FNDC5: variants seen among roughly 807,000 people sequenced by gnomAD.
FNDC5 encodes fibronectin type III domain containing 5.
Under a neutral mutation model 24.6 loss-of-function variants are expected in FNDC5, and 10 were observed. That is an observed-to-expected ratio of 0.41 (90% confidence interval 0.25 to 0.69). FNDC5 has a LOEUF of 0.69. Among genes scored for constraint, FNDC5 ranks in the 30% least tolerant of loss-of-function variants. FNDC5 has a pLI of 0.34. For synonymous variants in FNDC5, 90 were observed against 110.7 expected, an observed-to-expected ratio of 0.81 and a Z score of 1.18; for missense variants, 226 against 282.9, an observed-to-expected ratio of 0.80 and a Z score of 1.44.
rs1438601766 is a variant in FNDC5, at chr1:32,863,913, GAAA to G, written c.*378_*380del. On this transcript the variant is annotated 3_prime_UTR_variant, in exon 6 of 6. Transcript: ENST00000373471. ...ATAAGCCAAGCTCTTGTCCCTTGTG[GAAA>G]GAAAAGAGAAGCCCTGCCTGGATGT... The G allele has an allele frequency of 8.6e-6, 11 of 1,275,146 alleles. No homozygotes were observed. Among genetic ancestry groups the G allele is most frequent in the Admixed American group, 2.9e-5 (1 of 33,996 alleles). 79.0% of individuals were successfully genotyped at this position (1,275,146 alleles called of 1,614,324 possible). A position where few individuals can be genotyped will look rare whatever the true frequency, so the allele number is the denominator to read the frequency against.
At chr1:32,870,516 G>A in intron 1 of FNDC5, 137 bp downstream of exon 1, 1 of 381,806 alleles carries the variant, frequency 2.6e-6, no homozygotes, top group Non-Finnish European at 4.2e-6. Flanking sequence ...GAAGACGCTG[G>A]GGGCTGGGTT....
chr1:32,870,158 G>A (rs1641151339), intron 1 of FNDC5, among the ~76,000 whole-genome samples: 1 of 152,110 alleles, frequency 6.6e-6, no homozygotes, highest in South Asian at 2.1e-4. Context: ...GCCAGACACT[G>A]TACCAGATCA....
chr1:32,871,025 C>T (rs1641175864), upstream of FNDC5: 3 of 150,154 alleles, frequency 2.0e-5, no homozygotes, highest in South Asian at 6.3e-4. Context: ...GGCGCCCCCA[C>T]TCCCGCCCCC....
At chr1:32,865,048 G>A (rs992578107) in intron 4 of FNDC5, among the ~76,000 whole-genome samples, 1 of 152,008 alleles carries the variant, frequency 6.6e-6, no homozygotes, top group Non-Finnish European at 1.5e-5. Flanking sequence ...TTAAACCTCT[G>A]ACAGTGGCCA....
chr1:32,867,735 C>G lies in FNDC5; in HGVS notation c.499+18G>C. On this transcript the variant is annotated intron_variant, in intron 4 of 5. Transcript: ENST00000373471. ...CCAGAATCTGAGGGAAGAAGAAGGT[C>G]TCGGAGGCCAGACTCACCTGCCCAC... 1 of 1,611,730 alleles carries G rather than the reference C, an allele frequency of 6.2e-7. No homozygotes were observed. The highest frequency in any genetic ancestry group is 8.5e-7 in the Non-Finnish European group (1 of 1,178,154).
At chr1:32,865,436 G>C (rs1384554065) in intron 4 of FNDC5, among the ~76,000 whole-genome samples, 1 of 151,186 alleles carries the variant, frequency 6.6e-6, no homozygotes, top group Non-Finnish European at 1.5e-5. Context: ...GGTGGATCAC[G>C]AGGTCAGGAA....
chr1:32,867,897 C>G, intron 3 of FNDC5, 55 bp from the exon 4 acceptor site: 1 of 1,554,070 alleles, frequency 6.4e-7, no homozygotes, highest in Non-Finnish European at 8.9e-7. Context: ...AGCCACTCCT[C>G]TAGGGCCAAG....
At chr1:32,865,957 C>T (rs905512691) in intron 4 of FNDC5, among the ~76,000 whole-genome samples, 4 of 152,138 alleles carry the variant, frequency 2.6e-5, no homozygotes, top group Admixed American at 1.3e-4. Context: ...AATACATGAA[C>T]AGAATGTTTT....
At chr1:32,871,093 C>T (rs1377574262), upstream of FNDC5, 4 of 151,342 alleles carry the variant, frequency 2.6e-5, no homozygotes, top group African/African-American at 9.7e-5. Flanking sequence ...ACGGCTCCCG[C>T]CCTCTCACCG....
chr1:32,871,886 G>A (rs1364057848), upstream of FNDC5, among the ~76,000 whole-genome samples: 1 of 152,186 alleles, frequency 6.6e-6, no homozygotes, highest in Non-Finnish European at 1.5e-5. Context: ...AGAGAAACAA[G>A]GTGGAGGAGA....
Position 32,863,902 on chromosome 1 carries a change from T to C in FNDC5, c.*392A>G, listed in dbSNP as rs1641009515. The stretch of plus-strand genomic sequence containing the variant: ...CTGTAGCCTAAATAAGCCAAGCTCT[T>C]GTCCCTTGTGGAAAGAAAAGAGAAG... On this transcript the variant is annotated 3_prime_UTR_variant, in exon 6 of 6. Coordinates refer to ENST00000373471, the MANE Select transcript of FNDC5 (RefSeq NM_153756.3). 1.6e-6 allele frequency: 2 copies of C among 1,286,008 alleles called. No homozygotes were observed. The highest frequency in any genetic ancestry group is 3.1e-5 in the African/African-American group (2 of 64,746). 79.7% of individuals were successfully genotyped at this position (1,286,008 alleles called of 1,614,324 possible).
In FNDC5 at chr1:32,863,810, C is replaced by T; in HGVS notation, c.*484G>A. The stretch of plus-strand genomic sequence containing the variant: ...AAAAAAATGAGAGAAGCAGCCAGGC[C>T]TAATTGTGAATAGCCTTCTTGCAAG... On this transcript the variant is annotated 3_prime_UTR_variant, in exon 6 of 6. Transcript: ENST00000373471. 1 of 1,304,892 alleles carries T rather than the reference C, an allele frequency of 7.7e-7. No homozygotes were observed. Among genetic ancestry groups the T allele is most frequent in the South Asian group, 1.2e-5 (1 of 81,036 alleles). The allele number at this position is 1,304,892 out of a possible 1,614,324, so 80.8% of individuals were successfully genotyped here.
Position 32,868,473 on chromosome 1 carries a change from C to A in FNDC5, c.211-85G>T. 1 of 1,363,532 alleles carries A rather than the reference C, an allele frequency of 7.3e-7. No individual in the cohort carries two copies. Among genetic ancestry groups the A allele is most frequent in the Non-Finnish European group, 1.0e-6 (1 of 993,532 alleles). 84.5% of individuals were successfully genotyped at this position (1,363,532 alleles called of 1,614,324 possible). A position where few individuals can be genotyped will look rare whatever the true frequency, so the allele number is the denominator to read the frequency against. On this transcript the variant is annotated intron_variant, in intron 2 of 5. Coordinates refer to ENST00000373471, the MANE Select transcript of FNDC5 (RefSeq NM_153756.3). This position sits in a 1 kb window ranked among gnomAD's most constrained non-coding sequence, Gnocchi z 4.8. ...CCTCCCAGTGGTGACAAAGCCTTTACATACACAATCTTCATCATTCCATCA... is the reference window on the plus strand; with the variant it reads ...CCTCCCAGTGGTGACAAAGCCTTTAAATACACAATCTTCATCATTCCATCA...
upstream of FNDC5, among the ~76,000 whole-genome samples, chr1:32,871,396 G>C (rs1293281462): frequency 6.6e-6 from 1 of 152,176 alleles, no homozygotes; most frequent in Non-Finnish European, 1.5e-5. Context: ...CTAGGGCTCC[G>C]TGTTTCCAGT....
Position 32,864,039 on chromosome 1 carries a change from C to T in FNDC5, c.*255G>A. ...CATGGCCCCTGGCACCCAGTCTACC[C>T]CCAGCAGTCATCCCTCTGAGTGCAG... On this transcript the variant is annotated 3_prime_UTR_variant, in exon 6 of 6. Coordinates refer to ENST00000373471, the MANE Select transcript of FNDC5 (RefSeq NM_153756.3). 7.1e-7 allele frequency: 1 copy of T among 1,402,188 alleles called. No individual in the cohort carries two copies. Among genetic ancestry groups the T allele is most frequent in the Non-Finnish European group, 9.3e-7 (1 of 1,074,412 alleles). The allele number at this position is 1,402,188 out of a possible 1,614,324, so 86.9% of individuals were successfully genotyped here.
At position 32,864,247 on chromosome 1, in the gene FNDC5, C is replaced by G; in HGVS notation, c.*47G>C. On this transcript the variant is annotated 3_prime_UTR_variant, in exon 6 of 6. Coordinates refer to ENST00000373471, the MANE Select transcript of FNDC5 (RefSeq NM_153756.3). Reference sequence around the variant, plus strand: ...GAACCATGAGATCCTCTCACATTCTCTACTGTCTGTCTTCTTAGCTGCTGA... The same window carrying G: ...GAACCATGAGATCCTCTCACATTCTGTACTGTCTGTCTTCTTAGCTGCTGA... 6.2e-7 allele frequency: 1 copy of G among 1,614,190 alleles called. No individual in the cohort carries two copies. Among genetic ancestry groups the G allele is most frequent in the Non-Finnish European group, 8.5e-7 (1 of 1,180,034 alleles).
intron 1 of FNDC5, among the ~76,000 whole-genome samples, chr1:32,869,865 C>T (rs77554221): frequency 0.027 from 4,068 of 152,154 alleles, 116 homozygotes; most frequent in African/African-American, 0.072. Context: ...CTGAGCAGCA[C>T]CCCTCACCCC....
At chr1:32,865,572 C>T (rs1032752334) in intron 4 of FNDC5, among the ~76,000 whole-genome samples, 1 of 151,966 alleles carries the variant, frequency 6.6e-6, no homozygotes, top group African/African-American at 2.4e-5. Context: ...ATAGCTTGAA[C>T]CTGGGAGGCA....
At chr1:32,869,046 C>T (rs1047848319) in intron 1 of FNDC5, 49 bp from the exon 2 acceptor site, 27 of 1,063,716 alleles carry the variant, frequency 2.5e-5, no homozygotes, top group Non-Finnish European at 3.0e-5. Flanking sequence ...ATTGTGAGGC[C>T]CAGACCCACT....
Sources: allele counts gnomAD v4.1 joint callset (sites outside exome capture counted in the v4.1 genomes callset), GRCh38; gene constraint gnomAD v4.1.1; non-coding constraint Gnocchi (gnomAD v3.1); transcripts MANE v1.5; gene names NCBI Gene and HGNC (gene_info 2026-07-23, HGNC 2026-07-21).